Variants in HTRA1 observed in about 807,000 individuals in gnomAD.
HTRA1 encodes the protein serine protease HTRA1.
A neutral mutation model predicts 49.7 loss-of-function variants in HTRA1; 26 were observed. That is an observed-to-expected ratio of 0.52 (90% confidence interval 0.38 to 0.73). HTRA1 has a LOEUF of 0.73. Among genes scored for constraint, HTRA1 ranks in the 30% least tolerant of loss-of-function variants. The probability of loss-of-function intolerance (pLI) is 0.00; values close to 1 mark genes in which losing one functional copy is unlikely to be tolerated. For synonymous variants in HTRA1, 291 were observed against 286.9 expected, an observed-to-expected ratio of 1.01 and a Z score of -0.14; for missense variants, 561 against 667.2, an observed-to-expected ratio of 0.84 and a Z score of 1.75.
intron 1 of HTRA1, among the ~76,000 whole-genome samples, chr10:122,479,971 G>T (rs913993968): frequency 6.6e-6 from 1 of 152,150 alleles, no homozygotes; most frequent in Non-Finnish European, 1.5e-5. Context: ...TGGGAGGGAC[G>T]TGGGGACCCA....
Position 122,514,049 on chromosome 10 carries a change from T to A in HTRA1, c.1275-142T>A. The A allele has an allele frequency of 8.2e-6, 7 of 857,208 alleles. No individual in the cohort carries two copies. In the South Asian group the frequency reaches 9.6e-5, roughly 12 times the overall value. The allele number at this position is 857,208 out of a possible 1,614,324, so 53.1% of individuals were successfully genotyped here. On this transcript the variant is annotated intron_variant, in intron 8 of 8. Transcript: ENST00000368984. ...CCACCGTGCCTGACCCACTGATGGT[T>A]TGAATTATTCTAAGTTCGCCACCGT...
At chr10:122,463,824 T>C (rs1221042579) in intron 1 of HTRA1, among the ~76,000 whole-genome samples, 2 of 152,152 alleles carry the variant, frequency 1.3e-5, no homozygotes, top group Non-Finnish European at 2.9e-5. Context: ...AATTTCCTGG[T>C]GGGCTGGACG....
At chr10:122,508,622 C>A in intron 5 of HTRA1, 34 bp from the exon 6 acceptor site, 2 of 1,352,206 alleles carry the variant, frequency 1.5e-6, no homozygotes, top group Non-Finnish European at 1.1e-6. Flanking sequence ...TAAAGCTTCA[C>A]GATTCAGTAA....
chr10:122,494,243 C>G lies in HTRA1; in HGVS notation c.777+4617C>G, dbSNP rs369109195. On this transcript the variant is annotated intron_variant, in intron 3 of 8. Coordinates refer to ENST00000368984, the MANE Select transcript of HTRA1 (RefSeq NM_002775.5). This position sits in a 1 kb window ranked among gnomAD's most constrained non-coding sequence, Gnocchi z 4.0. ...CGGGGTTGGGGGCACATCCGGCTGTCGGTCCTCAGGTAGGAGGTGCTTGGC... is the reference window on the plus strand; with the variant it reads ...CGGGGTTGGGGGCACATCCGGCTGTGGGTCCTCAGGTAGGAGGTGCTTGGC... Among the ~76,000 whole-genome samples, 24 of 152,296 alleles carry G rather than the reference C, an allele frequency of 1.6e-4. No individual in the cohort carries two copies. In the South Asian group the frequency reaches 4.6e-3, roughly 29 times the overall value.
chr10:122,511,559 C>G (rs2097505585), intron 7 of HTRA1, among the ~76,000 whole-genome samples: 1 of 151,994 alleles, frequency 6.6e-6, no homozygotes, highest in African/African-American at 2.4e-5. Flanking sequence ...TTGTGAAACC[C>G]TGTTTCTACT....
At chr10:122,505,122 G>A (rs893840142) in intron 3 of HTRA1, among the ~76,000 whole-genome samples, 3 of 152,206 alleles carry the variant, frequency 2.0e-5, no homozygotes, top group African/African-American at 7.2e-5. Context: ...TTCTCACAGT[G>A]GACCATTGAG....
intron 3 of HTRA1, among the ~76,000 whole-genome samples, chr10:122,503,639 C>CT (rs2097501836): frequency 6.6e-6 from 1 of 152,214 alleles, no homozygotes; most frequent in African/African-American, 2.4e-5. Flanking sequence ...TGCCCATCAT[C>CT]TGTAAGCCTC....
chr10:122,478,060 G>A (rs573815968), intron 1 of HTRA1, among the ~76,000 whole-genome samples: 18 of 152,286 alleles, frequency 1.2e-4, no homozygotes, highest in African/African-American at 4.1e-4. Context: ...CTGAGTTTCT[G>A]TCTTCACATC....
rs754820159 is a variant in HTRA1, at chr10:122,512,026, C to T, written c.1235C>T (p.Ala412Val). ...GACTTCCCAGACGTGATCTCAGGAG[C>T]GTATATAATTGAAGTAATTCCTGAT... ...HRDFPDVISGAYIIEVIPDTP... is the reference protein window; with the variant it reads ...HRDFPDVISGVYIIEVIPDTP... Residue 412 changes from alanine to valine, a missense_variant, in exon 8 of 9, where the codon GCG becomes GTG. Coordinates refer to ENST00000368984, the MANE Select transcript of HTRA1 (RefSeq NM_002775.5). 9.3e-6 allele frequency: 15 copies of T among 1,613,672 alleles called. No homozygotes were observed. The South Asian group carries it at 1.3e-4, about 14-fold the overall frequency.
chr10:122,492,639 C>G (rs940167231), intron 3 of HTRA1, among the ~76,000 whole-genome samples: 1 of 152,132 alleles, frequency 6.6e-6, no homozygotes, highest in African/African-American at 2.4e-5. Flanking sequence ...TGGCTGTAAA[C>G]GTGATATTCT....
At chr10:122,488,604 G>C (rs905364744) in intron 1 of HTRA1, among the ~76,000 whole-genome samples, 8 of 152,176 alleles carry the variant, frequency 5.3e-5, no homozygotes, top group East Asian at 1.9e-4. Flanking sequence ...TGGGCCATCA[G>C]CTTCTTGGAA....
intron 3 of HTRA1, among the ~76,000 whole-genome samples, chr10:122,492,204 G>A (rs2097496186): frequency 1.3e-5 from 2 of 152,266 alleles, no homozygotes; most frequent in South Asian, 4.2e-4. Context: ...CAGTGAAGCT[G>A]GTGAGACTGC....
intron 3 of HTRA1, among the ~76,000 whole-genome samples, chr10:122,500,628 A>C (rs753395832): frequency 6.6e-6 from 1 of 152,180 alleles, no homozygotes; most frequent in Non-Finnish European, 1.5e-5. Context: ...GTGTGTGTGC[A>C]TGTATGCATA....
At chr10:122,513,119 A>C (rs2097506374) in intron 8 of HTRA1, among the ~76,000 whole-genome samples, 1 of 152,186 alleles carries the variant, frequency 6.6e-6, no homozygotes, top group Non-Finnish European at 1.5e-5. Context: ...CAAAGCCTAA[A>C]ATATTTCCTA....
At chr10:122,488,170 C>T (rs557657008) in intron 1 of HTRA1, among the ~76,000 whole-genome samples, 73 of 152,216 alleles carry the variant, frequency 4.8e-4, no homozygotes, top group Non-Finnish European at 9.6e-4. Context: ...TAGAAAAAGC[C>T]CCGGTGCTCT....
intron 1 of HTRA1, among the ~76,000 whole-genome samples, chr10:122,484,892 G>A (rs1051409938): frequency 1.3e-5 from 2 of 152,178 alleles, no homozygotes; most frequent in African/African-American, 2.4e-5. Flanking sequence ...TGAACCCCTT[G>A]GAGAGTAGGC....
Position 122,494,568 on chromosome 10 carries a change from A to G in HTRA1, c.777+4942A>G, listed in dbSNP as rs984048574. On this transcript the variant is annotated intron_variant, in intron 3 of 8. Coordinates refer to ENST00000368984, the MANE Select transcript of HTRA1 (RefSeq NM_002775.5). This position sits in a 1 kb window ranked among gnomAD's most constrained non-coding sequence, Gnocchi z 4.0. ...CCCGTGGGTGCTTTTCCCTGACGCC[A>G]ACAACCAGGTAAATATTTGGAAACG... 3.3e-5 allele frequency among the ~76,000 whole-genome samples: 5 copies of G among 152,158 alleles called. No individual in the cohort carries two copies. Among genetic ancestry groups the G allele is most frequent in the Non-Finnish European group, 7.3e-5 (5 of 68,028 alleles).
At chr10:122,501,260 C>T (rs2097500748) in intron 3 of HTRA1, among the ~76,000 whole-genome samples, 1 of 152,192 alleles carries the variant, frequency 6.6e-6, no homozygotes, top group Admixed American at 6.5e-5. Context: ...CTGCCTTGCC[C>T]AGATTCTGCT....
intron 3 of HTRA1, among the ~76,000 whole-genome samples, chr10:122,503,708 GA>G (rs1056375327): frequency 6.6e-6 from 1 of 152,162 alleles, no homozygotes; most frequent in African/African-American, 2.4e-5. Context: ...GGTGCCATGA[GA>G]ATACTTTGTC....
Sources: allele counts gnomAD v4.1 joint callset (sites outside exome capture counted in the v4.1 genomes callset), GRCh38; gene constraint gnomAD v4.1.1; non-coding constraint Gnocchi (gnomAD v3.1); transcripts MANE v1.5; gene names NCBI Gene and HGNC (gene_info 2026-07-23, HGNC 2026-07-21).